Variants in KLF17 observed in about 807,000 individuals in gnomAD.
KLF17 encodes KLF transcription factor 17, also known as Krueppel-like factor 17.
A neutral mutation model predicts 34.2 loss-of-function variants in KLF17; 31 were observed. That is an observed-to-expected ratio of 0.91 (90% CI 0.68 to 1.22). KLF17 has a LOEUF of 1.22. Among genes scored for constraint, KLF17 ranks in the 50% most tolerant of loss-of-function variants. The probability of loss-of-function intolerance (pLI) is 0.00; values close to 1 mark genes in which losing one functional copy is unlikely to be tolerated. For missense variants in KLF17, 478 were observed against 505.2 expected (o/e 0.95, Z 0.52); for synonymous variants, 179 against 186.7 (o/e 0.96, Z 0.34).
chr1:44,073,209 C>CTTCTTT, the KLF17 span, among the ~76,000 whole-genome samples: 19 of 137,794 alleles, frequency 1.4e-4, no homozygotes, highest in African/African-American at 4.9e-4. Flanking sequence ...TCTTCTTCTT[C>CTTCTTT]TTTTTTTTTT....
At chr1:44,058,421 G>T in the KLF17 span, among the ~76,000 whole-genome samples, 5 of 152,078 alleles carry the variant, frequency 3.3e-5, no homozygotes, top group African/African-American at 1.2e-4. Flanking sequence ...CTCCCGAGTA[G>T]CTGGGACTAC....
chr1:44,078,652 G>T, the KLF17 span, among the ~76,000 whole-genome samples: 9 of 152,186 alleles, frequency 5.9e-5, no homozygotes, highest in Non-Finnish European at 1.0e-4. Context: ...TAGCCAGGAT[G>T]GTCTCAATCT....
In KLF17 at chr1:44,129,756, C is replaced by T; in HGVS notation, c.485C>T (p.Ala162Val). 5 of 1,614,150 alleles carry T rather than the reference C, an allele frequency of 3.1e-6. No homozygotes were observed. Among genetic ancestry groups the T allele is most frequent in the Non-Finnish European group, 4.2e-6 (5 of 1,180,002 alleles). Residue 162 changes from alanine to valine, a missense_variant, in exon 2 of 4, where the codon GCT becomes GTT. By Grantham distance (64) the Ala-to-Val change is moderately conservative. Coordinates refer to ENST00000372299, the MANE Select transcript of KLF17 (RefSeq NM_173484.4). ...RMPPNGLPVS[A>V]STGIPIMSHT... ...CCCCCCAATGGGCTGCCAGTCTCGG[C>T]TTCCACTGGAATCCCAATAATGTCC...
At chr1:44,062,045 G>A in the KLF17 span, among the ~76,000 whole-genome samples, 1 of 152,238 alleles carries the variant, frequency 6.6e-6, no homozygotes, top group Non-Finnish European at 1.5e-5. Flanking sequence ...CCTCAGTAAA[G>A]CTGTTTTCTT....
At chr1:44,092,043 A>AT in the KLF17 span, among the ~76,000 whole-genome samples, 2 of 150,948 alleles carry the variant, frequency 1.3e-5, no homozygotes, top group African/African-American at 4.9e-5. Flanking sequence ...AAAAAAAAAA[A>AT]AAAAAACTTG....
chr1:44,125,018 G>T (rs1181525632), intron 1 of KLF17, among the ~76,000 whole-genome samples: 1 of 152,064 alleles, frequency 6.6e-6, no homozygotes, highest in African/African-American at 2.4e-5. Flanking sequence ...TAAATTTTAT[G>T]CATTCTTTTA....
the KLF17 span, among the ~76,000 whole-genome samples, chr1:44,055,942 T>TA: frequency 6.6e-6 from 1 of 152,226 alleles, no homozygotes; most frequent in African/African-American, 2.4e-5. Flanking sequence ...TCGCAATCCT[T>TA]ACGAATATTT....
the KLF17 span, among the ~76,000 whole-genome samples, chr1:44,058,963 G>A: frequency 6.6e-6 from 1 of 152,074 alleles, no homozygotes; most frequent in African/African-American, 2.4e-5. Context: ...CTTAGTCTTA[G>A]TAAAAACTTG....
upstream of KLF17, among the ~76,000 whole-genome samples, chr1:44,117,684 G>A (rs1186983416): frequency 2.0e-5 from 3 of 151,508 alleles, no homozygotes; most frequent in Middle Eastern, 3.4e-3. Context: ...TAGTAGAGAC[G>A]GGGTTTCACC....
At chr1:44,049,698 G>T in the KLF17 span, among the ~76,000 whole-genome samples, 4 of 152,142 alleles carry the variant, frequency 2.6e-5, no homozygotes, top group African/African-American at 7.2e-5. Context: ...GTCCAGGCTG[G>T]TCTTTAACTC....
chr1:44,054,478 CTTT>C, the KLF17 span, among the ~76,000 whole-genome samples: 2 of 100,192 alleles, frequency 2.0e-5, no homozygotes. Flanking sequence ...ATCAGTGTGC[CTTT>C]TTTTTTTTTT....
the KLF17 span, among the ~76,000 whole-genome samples, chr1:44,074,663 G>T: frequency 9.2e-5 from 14 of 152,186 alleles, no homozygotes; most frequent in African/African-American, 4.8e-5. Flanking sequence ...ACTATTTCCT[G>T]CAACAGACAT....
chr1:44,049,784 A>T, the KLF17 span, among the ~76,000 whole-genome samples: 3 of 152,198 alleles, frequency 2.0e-5, no homozygotes, highest in Non-Finnish European at 4.4e-5. Flanking sequence ...TACCCGGCCT[A>T]TGTATTGTTT....
At chr1:44,062,303 TAGTC>T in the KLF17 span, among the ~76,000 whole-genome samples, 5 of 152,230 alleles carry the variant, frequency 3.3e-5, no homozygotes, top group South Asian at 2.1e-4. Flanking sequence ...AATATATAAG[TAGTC>T]AGGCATCTCT....
chr1:44,070,337 AC>A, the KLF17 span, among the ~76,000 whole-genome samples: 1 of 151,138 alleles, frequency 6.6e-6, no homozygotes, highest in South Asian at 2.1e-4. Flanking sequence ...CTCATCATCC[AC>A]CCCCCTCCAC....
At chr1:44,064,344 C>A in the KLF17 span, among the ~76,000 whole-genome samples, 2 of 152,072 alleles carry the variant, frequency 1.3e-5, no homozygotes, top group African/African-American at 4.8e-5. Context: ...ATGCAGCTAC[C>A]CCCAACAATT....
the KLF17 span, among the ~76,000 whole-genome samples, chr1:44,105,790 A>C: frequency 6.6e-6 from 1 of 152,002 alleles, no homozygotes; most frequent in Non-Finnish European, 1.5e-5. Context: ...CTGCATTTCT[A>C]ACAAGCTCCC....
chr1:44,068,605 A>C, the KLF17 span, among the ~76,000 whole-genome samples: 1 of 152,158 alleles, frequency 6.6e-6, no homozygotes, highest in Admixed American at 6.5e-5. Context: ...GGTGGTGGGC[A>C]GTTTTTCCCA....
chr1:44,119,367 G>C (rs1022467955), intron 1 of KLF17, among the ~76,000 whole-genome samples: 1 of 148,028 alleles, frequency 6.8e-6, no homozygotes, highest in Non-Finnish European at 1.5e-5. Context: ...AGGCAGGACA[G>C]CAAAGACCAA....
Sources: gnomAD v4.1 joint callset for allele counts (sites outside exome capture counted in the v4.1 genomes callset) on GRCh38, gnomAD v4.1.1 for gene constraint, MANE v1.5 for transcripts, NCBI Gene and HGNC (gene_info 2026-07-23, HGNC 2026-07-21) for gene names.